SMG5: variants seen among roughly 807,000 people sequenced by gnomAD.
SMG5 encodes the protein SMG5 nonsense mediated mRNA decay factor.
A neutral mutation model predicts 122.9 loss-of-function variants in SMG5; 53 were observed. That is an observed-to-expected ratio of 0.43 (90% CI 0.35 to 0.54). The LOEUF (loss-of-function observed/expected upper bound fraction) is 0.54. Among genes scored for constraint, SMG5 ranks in the 20% least tolerant of loss-of-function variants. The probability of loss-of-function intolerance (pLI) is 0.01; values close to 1 mark genes in which losing one functional copy is unlikely to be tolerated. For synonymous variants in SMG5, 477 were observed against 490.2 expected, an observed-to-expected ratio of 0.97 and a Z score of 0.35; for missense variants, 1,153 against 1,285.6, an observed-to-expected ratio of 0.90 and a Z score of 1.58.
At chr1:156,277,030 G>A (rs1268454907) in intron 4 of SMG5, 55 bp downstream of exon 4, 3 of 1,578,254 alleles carry the variant, frequency 1.9e-6, no homozygotes, top group African/African-American at 2.7e-5. Flanking sequence ...GAGGGATAAG[G>A]CCAGAGGTAG....
At chr1:156,282,427 A>C (rs1558248888) in intron 1 of SMG5, among the ~76,000 whole-genome samples, 180 bp downstream of exon 1, 1 of 151,416 alleles carries the variant, frequency 6.6e-6, no homozygotes, top group Non-Finnish European at 1.5e-5. Context: ...CACCTACCCA[A>C]TTCCTCCTTT....
chr1:156,267,263 G>A (rs1662192722), intron 10 of SMG5, among the ~76,000 whole-genome samples: 1 of 152,208 alleles, frequency 6.6e-6, no homozygotes, highest in South Asian at 2.1e-4. Flanking sequence ...GGAGAAGGGG[G>A]AAGGAAATGT....
At chr1:156,279,559 A>T (rs562106188) in intron 1 of SMG5, among the ~76,000 whole-genome samples, 82 of 152,374 alleles carry the variant, frequency 5.4e-4, no homozygotes, top group Non-Finnish European at 1.1e-3. Flanking sequence ...CCACATCAAT[A>T]AAAACGAAGA....
In SMG5 at chr1:156,282,753, C is replaced by T. The variant is rs1558249286; in HGVS notation, c.-73G>A. 16 of 1,460,106 alleles carry T rather than the reference C, an allele frequency of 1.1e-5. No individual in the cohort carries two copies. The highest frequency in any genetic ancestry group is 2.5e-5 in the South Asian group (2 of 80,368). The allele number at this position is 1,460,106 out of a possible 1,614,324, so 90.4% of individuals were successfully genotyped here. ...ACCACTACCGCCAACACTGCCGTCT[C>T]CGGCCGTAGCCGCAGCCGCCGCCGC... On this transcript the variant is annotated 5_prime_UTR_variant, in exon 1 of 22. Transcript: ENST00000361813.
Position 156,266,349 on chromosome 1 carries a change from T to C in SMG5, c.1287A>G (p.Lys429=). The change falls in exon 12 of 22, where the codon AAA becomes AAG. Residue 429 remains lysine, a synonymous_variant. Coordinates refer to ENST00000361813, the MANE Select transcript of SMG5 (RefSeq NM_015327.3). ...GAGGCTCAGGATCTGGCTCCTCCTC[T>C]TTCTCCACAGGTTCCTTGGACTCTG... ...DEPESKEPVE[K]EEEPDPEPPP... The C allele has an allele frequency of 6.2e-7, 1 of 1,613,856 alleles. No homozygotes were observed. The highest frequency in any genetic ancestry group is 8.5e-7 in the Non-Finnish European group (1 of 1,179,816).
chr1:156,289,155 T>C, the SMG5 span, among the ~76,000 whole-genome samples: 1 of 152,204 alleles, frequency 6.6e-6, no homozygotes, highest in South Asian at 2.1e-4. Flanking sequence ...TTAAATGAGT[T>C]AATTCATGTA....
chr1:156,249,997 C>A lies in SMG5; in HGVS notation c.*590G>T. On this transcript the variant is annotated 3_prime_UTR_variant, in exon 22 of 22. Transcript: ENST00000361813. ...GCACACGAACCCTGACCCTGCTACTCGGTGCAGGCCACTCCAGGCCTTGCT... is the reference window on the plus strand; with the variant it reads ...GCACACGAACCCTGACCCTGCTACTAGGTGCAGGCCACTCCAGGCCTTGCT... 1 of 460,940 alleles carries A rather than the reference C, an allele frequency of 2.2e-6. No homozygotes were observed. The highest frequency in any genetic ancestry group is 4.5e-6 in the Non-Finnish European group (1 of 220,570). The allele number at this position is 460,940 out of a possible 1,614,324, so 28.6% of individuals were successfully genotyped here. A position where few individuals can be genotyped will look rare whatever the true frequency, so the allele number is the denominator to read the frequency against.
rs200868817 is a variant in SMG5 at position 156,253,490 on chromosome 1, G to A, written c.2461C>T (p.Arg821Trp). Residue 821 changes from arginine (R) to tryptophan (W), a missense_variant, in exon 17 of 22, where the codon CGG becomes TGG. Coordinates refer to ENST00000361813, the MANE Select transcript of SMG5 (RefSeq NM_015327.3). ...QFRMAQEEAR[R>W]NRLMRDMAQL... is the part of the protein sequence containing the mutation. ...GCCATGTCTCTCATGAGCCTGTTCCGACGAGCTTCCTCCTGTGCCTATGAG... is the reference window on the plus strand; with the variant it reads ...GCCATGTCTCTCATGAGCCTGTTCCAACGAGCTTCCTCCTGTGCCTATGAG... 1.1e-5 allele frequency: 18 copies of A among 1,614,026 alleles called. No homozygotes were observed. The highest frequency in any genetic ancestry group is 1.7e-5 in the Admixed American group (1 of 60,018).
At chr1:156,251,074 C>T (rs577183911) in intron 20 of SMG5, 78 bp from the exon 21 acceptor site, 65 of 1,560,114 alleles carry the variant, frequency 4.2e-5, no homozygotes, top group Non-Finnish European at 5.5e-5. Flanking sequence ...CTCCAGGGGA[C>T]AGGGGCAGCT....
chr1:156,269,331 C>A (rs1027140212), intron 7 of SMG5, among the ~76,000 whole-genome samples: 4 of 152,046 alleles, frequency 2.6e-5, no homozygotes, highest in Non-Finnish European at 5.9e-5. Context: ...ACCAGGCTGG[C>A]CTTAAACTCC....
At chr1:156,263,626 G>A in intron 12 of SMG5, 56 bp from the exon 13 acceptor site, 2 of 1,577,024 alleles carry the variant, frequency 1.3e-6, no homozygotes, top group East Asian at 2.2e-5. Context: ...TGACACTTGG[G>A]AACAGGCCTC....
upstream of SMG5, chr1:156,285,459 G>A (rs1325209653): frequency 6.2e-7 from 1 of 1,614,016 alleles, no homozygotes; most frequent in East Asian, 2.2e-5. Flanking sequence ...ACCTTGCCCT[G>A]GGGGACTGGC....
intron 8 of SMG5, 28 bp from the exon 9 acceptor site, chr1:156,268,211 G>A (rs1201528646): frequency 1.2e-6 from 2 of 1,614,022 alleles, no homozygotes; most frequent in East Asian, 4.5e-5. Flanking sequence ...CAAAGTAAAT[G>A]CTGAATGGTC....
Position 156,282,784 on chromosome 1 carries a change from G to T in SMG5, c.-104C>A. The T allele has an allele frequency of 1.6e-6, 2 of 1,253,322 alleles. No homozygotes were observed. Among genetic ancestry groups the T allele is most frequent in the Non-Finnish European group, 2.2e-6 (2 of 929,654 alleles). The allele number at this position is 1,253,322 out of a possible 1,614,324, so 77.6% of individuals were successfully genotyped here. A position where few individuals can be genotyped will look rare whatever the true frequency, so the allele number is the denominator to read the frequency against. ...GTAGCCGCAGCCGCCGCCGCCACCG[G>T]CCCTGCTCGGCCGCCATCGCTGTGA... On this transcript the variant is annotated 5_prime_UTR_variant, in exon 1 of 22. Coordinates refer to ENST00000361813, the MANE Select transcript of SMG5 (RefSeq NM_015327.3).
At chr1:156,285,591 C>T, upstream of SMG5, 1 of 1,614,254 alleles carries the variant, frequency 6.2e-7, no homozygotes, top group Non-Finnish European at 8.5e-7. Flanking sequence ...AACCTGCTGC[C>T]TGAGAAAGCG....
At chr1:156,258,794 A>AT (rs1223808973) in intron 16 of SMG5, among the ~76,000 whole-genome samples, 1 of 151,272 alleles carries the variant, frequency 6.6e-6, no homozygotes, top group African/African-American at 2.4e-5. Context: ...ACTCCATCTC[A>AT]TAAAAAAAAA....
At chr1:156,283,707 C>A (rs1663066638), upstream of SMG5, among the ~76,000 whole-genome samples, 2 of 152,198 alleles carry the variant, frequency 1.3e-5, no homozygotes, top group Admixed American at 1.3e-4. Context: ...ATGCTCCTGG[C>A]TGCAGCCACC....
Position 156,249,541 on chromosome 1 carries a change from T to G in SMG5, c.*1046A>C, listed in dbSNP as rs1303492471. 1 of 367,264 alleles carries G rather than the reference T, an allele frequency of 2.7e-6. No homozygotes were observed. The highest frequency in any genetic ancestry group is 5.5e-6 in the Non-Finnish European group (1 of 182,060). 22.8% of individuals were successfully genotyped at this position (367,264 alleles called of 1,614,324 possible). On this transcript the variant is annotated 3_prime_UTR_variant, in exon 22 of 22. Coordinates refer to ENST00000361813, the MANE Select transcript of SMG5 (RefSeq NM_015327.3). ...GTGCGCCATTCACTGCCCTGAGCTATTCATGATCTCTGCTCCCAGATATTC... is the reference window on the plus strand; with the variant it reads ...GTGCGCCATTCACTGCCCTGAGCTAGTCATGATCTCTGCTCCCAGATATTC...
In SMG5 at chr1:156,261,326, C is replaced by T. The variant is rs772353698; in HGVS notation, c.2107+7G>A. On this transcript the variant is annotated splice_region_variant and intron_variant, in intron 14 of 21. Coordinates refer to ENST00000361813, the MANE Select transcript of SMG5 (RefSeq NM_015327.3). ...AGAAAGGAGGGTAGTGCCAGGGACC[C>T]ACTCACCAGACTCCTGGAGTTCACC... 2 of 1,613,856 alleles carry T rather than the reference C, an allele frequency of 1.2e-6. No individual in the cohort carries two copies. Among genetic ancestry groups the T allele is most frequent in the South Asian group, 2.2e-5 (2 of 91,084 alleles).
Sources: allele counts gnomAD v4.1 joint callset (sites outside exome capture counted in the v4.1 genomes callset), GRCh38; gene constraint gnomAD v4.1.1; transcripts MANE v1.5; gene names NCBI Gene and HGNC (gene_info 2026-07-23, HGNC 2026-07-21).